PXDNL: variants seen among roughly 807,000 people sequenced by gnomAD.
The protein encoded by PXDNL is peroxidasin like.
A neutral mutation model predicts 150.8 loss-of-function variants in PXDNL; 145 were observed. The observed-to-expected ratio is 0.96, with a 90% CI of 0.84 to 1.10. The LOEUF (loss-of-function observed/expected upper bound fraction) is 1.10, where lower values mean the gene tolerates loss of function less well. PXDNL is among the 50% of genes least tolerant of loss of function. The probability of loss-of-function intolerance (pLI) is 0.00; values close to 1 mark genes in which losing one functional copy is unlikely to be tolerated. For missense variants in PXDNL, 2,087 were observed against 1,873.9 expected, an observed-to-expected ratio of 1.11 and a Z score of -2.10; for synonymous variants, 757 against 725.7, an observed-to-expected ratio of 1.04 and a Z score of -0.69.
rs760975190 is a variant in PXDNL at position 51,409,019 on chromosome 8, A to G, written c.2605T>C (p.Cys869Arg). 1.2e-6 allele frequency: 2 copies of G among 1,610,960 alleles called. No individual in the cohort carries two copies. The highest frequency in any genetic ancestry group is 1.7e-6 in the Non-Finnish European group (2 of 1,179,818). Residue 869 changes from cysteine to arginine, a missense_variant, in exon 17 of 23, where the codon TGT becomes CGT. Cys to Arg is a radical substitution (Grantham distance 180, BLOSUM62 -3). Transcript: ENST00000356297. The part of the protein sequence containing the change: ...CMLFARSSPA[C>R]ASGRPSATVD... ...GTCGCAGAGGGACGGCCGCTGGCAC[A>G]CGCGGGGCTGGAGCGCGCGAAGAGC...
intron 1 of PXDNL, among the ~76,000 whole-genome samples, chr8:51,737,330 A>G (rs1189310878): frequency 6.6e-6 from 1 of 152,230 alleles, no homozygotes; most frequent in African/African-American, 2.4e-5. Flanking sequence ...CTGCGACTTC[A>G]TATGTGACAA....
chr8:51,513,880 C>T (rs1175904449), intron 4 of PXDNL, among the ~76,000 whole-genome samples: 1 of 152,220 alleles, frequency 6.6e-6, no homozygotes, highest in African/African-American at 2.4e-5. Flanking sequence ...CAGATGTAGA[C>T]GTAGTTGATT....
intron 1 of PXDNL, among the ~76,000 whole-genome samples, chr8:51,784,663 A>G (rs1295961721): frequency 6.6e-6 from 1 of 152,242 alleles, no homozygotes; most frequent in Non-Finnish European, 1.5e-5. Context: ...GAATGCCTGA[A>G]CACACAGTAA....
At chr8:51,391,200 A>G (rs530051876) in intron 17 of PXDNL, among the ~76,000 whole-genome samples, 18 of 152,280 alleles carry the variant, frequency 1.2e-4, no homozygotes, top group African/African-American at 3.8e-4. Context: ...CGCAATAAAC[A>G]TATGTGTGCG....
chr8:51,564,834 C>T (rs1812783993), intron 3 of PXDNL, among the ~76,000 whole-genome samples: 2 of 151,912 alleles, frequency 1.3e-5, no homozygotes, highest in Admixed American at 6.6e-5. Flanking sequence ...GATACATTAA[C>T]CTTGAATCTT....
intron 4 of PXDNL, among the ~76,000 whole-genome samples, chr8:51,515,116 C>T (rs1811506770): frequency 6.6e-6 from 1 of 152,192 alleles, no homozygotes; most frequent in Admixed American, 6.5e-5. Flanking sequence ...GCGTGAGAAC[C>T]TCAGTGTTGA....
intron 1 of PXDNL, among the ~76,000 whole-genome samples, chr8:51,712,039 G>A (rs1414163630): frequency 6.6e-6 from 1 of 152,126 alleles, no homozygotes; most frequent in Non-Finnish European, 1.5e-5. Flanking sequence ...CTAAAACTAG[G>A]GGTTTAAATA....
chr8:51,591,358 T>C (rs1458535319), intron 3 of PXDNL, among the ~76,000 whole-genome samples: 1 of 152,142 alleles, frequency 6.6e-6, no homozygotes, highest in Non-Finnish European at 1.5e-5. Context: ...AACTGAAACT[T>C]TAGGACTCAG....
At chr8:51,743,430 G>A (rs931143551) in intron 1 of PXDNL, among the ~76,000 whole-genome samples, 1 of 151,950 alleles carries the variant, frequency 6.6e-6, no homozygotes, top group Admixed American at 6.6e-5. Flanking sequence ...CCAGGCTGCA[G>A]TAGTGCAGTG....
intron 1 of PXDNL, among the ~76,000 whole-genome samples, chr8:51,704,094 C>G (rs1816313178): frequency 2.0e-5 from 3 of 152,192 alleles, no homozygotes; most frequent in African/African-American, 7.2e-5. Context: ...CCTTTCTGGT[C>G]TCATGCTCCC....
intron 1 of PXDNL, among the ~76,000 whole-genome samples, chr8:51,742,280 C>T (rs1290020314): frequency 6.6e-6 from 1 of 152,162 alleles, no homozygotes; most frequent in Non-Finnish European, 1.5e-5. Flanking sequence ...GGGGCAGGGT[C>T]AATCCTTGTG....
At chr8:51,468,241 GC>G (rs1284144190) in intron 8 of PXDNL, among the ~76,000 whole-genome samples, 1 of 151,854 alleles carries the variant, frequency 6.6e-6, no homozygotes, top group Non-Finnish European at 1.5e-5. Context: ...AAAATTTCTT[GC>G]TATAATTGGA....
intron 8 of PXDNL, among the ~76,000 whole-genome samples, chr8:51,470,640 C>A (rs1429323793): frequency 6.6e-6 from 1 of 151,936 alleles, no homozygotes; most frequent in Non-Finnish European, 1.5e-5. Flanking sequence ...AACAGATATA[C>A]AAACCAATGG....
At position 51,719,162 on chromosome 8, in the gene PXDNL, C is replaced by G. The variant is rs371910399; in HGVS notation, c.165-64402G>C. On this transcript the variant is annotated intron_variant, in intron 1 of 22. Transcript: ENST00000356297. ...CACCCGGTCTGGAAGGTGTACCCAA[C>G]AGCTCATTGAGAATGATGGCTGTTT... is the stretch of plus-strand genomic sequence containing the variant. Among the ~76,000 whole-genome samples the G allele has an allele frequency of 9.4e-3, 1,426 of 152,306 alleles. 18 individuals are homozygous for G. Among genetic ancestry groups the G allele is most frequent in the African/African-American group, 0.028 (1,164 of 41,572 alleles).
intron 21 of PXDNL, among the ~76,000 whole-genome samples, chr8:51,339,410 G>A (rs561487327): frequency 1.2e-4 from 19 of 152,270 alleles, no homozygotes; most frequent in African/African-American, 4.6e-4. Context: ...CAGTGAGCCA[G>A]AATTGTGCTA....
intron 1 of PXDNL, among the ~76,000 whole-genome samples, chr8:51,778,738 G>T (rs767834659): frequency 6.6e-6 from 1 of 152,194 alleles, no homozygotes; most frequent in African/African-American, 2.4e-5. Flanking sequence ...AGCCTCCCAC[G>T]CTTTCACTTT....
intron 2 of PXDNL, among the ~76,000 whole-genome samples, chr8:51,600,426 AATAAATTATATCTTAT>A (rs1183399574): frequency 1.5e-5 from 2 of 136,774 alleles, no homozygotes; most frequent in Admixed American, 7.5e-5. Context: ...TCGTTTAGAT[AATAAATTATATCTTAT>A]ATAAATTATA....
intron 1 of PXDNL, among the ~76,000 whole-genome samples, chr8:51,725,658 CTG>C (rs1178443234): frequency 6.6e-6 from 1 of 152,162 alleles, no homozygotes; most frequent in East Asian, 1.9e-4. Context: ...GTTGTGAAAT[CTG>C]TGTTACCAAG....
chr8:51,528,571 T>A (rs1335901589), intron 4 of PXDNL, among the ~76,000 whole-genome samples: 1 of 152,086 alleles, frequency 6.6e-6, no homozygotes, highest in Non-Finnish European at 1.5e-5. Flanking sequence ...TTTGCAGACG[T>A]GATTAAGATT....
Sources: gnomAD v4.1 joint callset for allele counts (sites outside exome capture counted in the v4.1 genomes callset) on GRCh38, gnomAD v4.1.1 for gene constraint, MANE v1.5 for transcripts, NCBI Gene and HGNC (gene_info 2026-07-23, HGNC 2026-07-21) for gene names.